The following DLGAP2 variants were observed in gnomAD, a reference collection of about 807,000 sequenced individuals.
DLGAP2 encodes the protein DLG associated protein 2, also known as disks large-associated protein 2.
Under a neutral mutation model 100.3 loss-of-function variants are expected in DLGAP2, and 26 were observed. The ratio of observed to expected loss-of-function variants is 0.26; its 90% CI spans 0.19 to 0.36. The LOEUF (loss-of-function observed/expected upper bound fraction) is 0.36, where lower values mean the gene tolerates loss of function less well. Ranked by LOEUF, DLGAP2 falls within the 10% of genes least tolerant of loss-of-function variation. The probability of loss-of-function intolerance (pLI) is 1.00; values close to 1 mark genes in which losing one functional copy is unlikely to be tolerated. For missense variants in DLGAP2, 1,858 were observed against 1,453.2 expected (o/e 1.28, Z -4.53); for synonymous variants, 886 against 630.1 (o/e 1.41, Z -6.08).
At position 1,374,311 on chromosome 8, in the gene DLGAP2, C is replaced by T. The variant is rs537623264; in HGVS notation, c.106+115428C>T. Among the ~76,000 whole-genome samples, 132 of 151,794 alleles carry T rather than the reference C, an allele frequency of 8.7e-4. 1 individual carries two copies. Among genetic ancestry groups the T allele is most frequent in the African/African-American group, 2.6e-3 (108 of 41,230 alleles). The stretch of plus-strand genomic sequence containing the variant: ...GGTGGAGGTGGGGCCTTCTCCCTGC[C>T]CCACGGTGGTCCCATGCAGCCCGCA... On this transcript the variant is annotated intron_variant, in intron 3 of 14. Coordinates refer to ENST00000637795, the MANE Select transcript of DLGAP2 (RefSeq NM_001346810.2).
intron 2 of DLGAP2, among the ~76,000 whole-genome samples, chr8:1,066,762 C>T (rs114873183): frequency 4.2e-4 from 64 of 152,370 alleles, no homozygotes; most frequent in African/African-American, 1.4e-3. Flanking sequence ...CACGCGGCAC[C>T]TCCGTCCCTG....
chr8:1,151,822 C>T (rs1796703382), intron 2 of DLGAP2, among the ~76,000 whole-genome samples: 1 of 152,192 alleles, frequency 6.6e-6, no homozygotes, highest in African/African-American at 2.4e-5. Flanking sequence ...CTTATTTTTA[C>T]ACAAATCTTT....
intron 3 of DLGAP2, among the ~76,000 whole-genome samples, chr8:1,282,976 G>A (rs573860686): frequency 8.2e-4 from 106 of 128,576 alleles, no homozygotes; most frequent in African/African-American, 3.1e-3. Flanking sequence ...TGGACGTGGT[G>A]TGACCTGAAT....
At chr8:1,525,060 G>A (rs1800746674) in intron 4 of DLGAP2, among the ~76,000 whole-genome samples, 1 of 152,000 alleles carries the variant, frequency 6.6e-6, no homozygotes, top group Non-Finnish European at 1.5e-5. Flanking sequence ...TTTTCTTTCT[G>A]TTCAGAAGTG....
At chr8:936,933 G>A (rs1799086045) in intron 2 of DLGAP2, among the ~76,000 whole-genome samples, 2 of 152,170 alleles carry the variant, frequency 1.3e-5, no homozygotes. Flanking sequence ...ACTGCGTGAC[G>A]TCAATGGGTA....
chr8:1,628,899 G>C (rs1422122933), intron 7 of DLGAP2, among the ~76,000 whole-genome samples: 1 of 152,258 alleles, frequency 6.6e-6, no homozygotes, highest in African/African-American at 2.4e-5. Flanking sequence ...CCATTATGCA[G>C]TTATCGGCGT....
At chr8:1,425,639 C>T (rs1480104932) in intron 3 of DLGAP2, among the ~76,000 whole-genome samples, 1 of 152,182 alleles carries the variant, frequency 6.6e-6, no homozygotes, top group Non-Finnish European at 1.5e-5. Flanking sequence ...TTCCACAAGC[C>T]TAGAGCTGTC....
intron 1 of DLGAP2, among the ~76,000 whole-genome samples, chr8:841,739 C>T (rs1407350592): frequency 1.3e-5 from 2 of 152,172 alleles, no homozygotes; most frequent in Non-Finnish European, 2.9e-5. Flanking sequence ...GCCCCCCACA[C>T]CCGGCAGCAG....
chr8:1,276,207 C>T (rs1034530463), intron 3 of DLGAP2, among the ~76,000 whole-genome samples: 3 of 150,396 alleles, frequency 2.0e-5, no homozygotes, highest in Non-Finnish European at 4.4e-5. Flanking sequence ...CTCCAATCAA[C>T]ACTCCCCCCC....
intron 6 of DLGAP2, among the ~76,000 whole-genome samples, chr8:1,593,169 A>C (rs1257992805): frequency 6.6e-6 from 1 of 152,132 alleles, no homozygotes; most frequent in Admixed American, 6.6e-5. Context: ...AAATTTAGAC[A>C]CTAGGCCTGG....
At chr8:1,614,831 C>G (rs530213166) in intron 6 of DLGAP2, among the ~76,000 whole-genome samples, 1 of 142,488 alleles carries the variant, frequency 7.0e-6, no homozygotes, top group Non-Finnish European at 1.5e-5. Context: ...CCCACACACA[C>G]ATGCATTGCA....
intron 2 of DLGAP2, among the ~76,000 whole-genome samples, chr8:1,160,767 C>T (rs1465433920): frequency 6.6e-6 from 1 of 152,236 alleles, no homozygotes; most frequent in African/African-American, 2.4e-5. Flanking sequence ...CCATGCAAAG[C>T]CTGGCGAGGA....
intron 3 of DLGAP2, among the ~76,000 whole-genome samples, chr8:1,351,655 C>T (rs1316504504): frequency 3.0e-5 from 2 of 65,630 alleles, no homozygotes; most frequent in Non-Finnish European, 3.0e-5. Flanking sequence ...AAAGGCCGTG[C>T]GGGTCCTGAC....
At chr8:1,369,001 A>C (rs1425622732) in intron 3 of DLGAP2, 3 of 152,178 alleles carry the variant, frequency 2.0e-5, no homozygotes, top group Non-Finnish European at 2.9e-5. Flanking sequence ...TGTGCACGTG[A>C]CGCCCGGTGC....
At chr8:859,087 G>A (rs1797339979) in intron 1 of DLGAP2, among the ~76,000 whole-genome samples, 1 of 150,606 alleles carries the variant, frequency 6.6e-6, no homozygotes, top group Non-Finnish European at 1.5e-5. Flanking sequence ...AAAAACCTGA[G>A]ACATAGACCA....
At chr8:1,442,866 GTCCTGTAAACCACAGGA>G (rs1263488878) in intron 3 of DLGAP2, among the ~76,000 whole-genome samples, 1 of 152,262 alleles carries the variant, frequency 6.6e-6, no homozygotes, top group African/African-American at 2.4e-5. Context: ...CACTGGGATT[GTCCTGTAAACCACAGGA>G]TCCTGAGTCT....
chr8:1,203,735 C>T (rs185226904), intron 2 of DLGAP2, among the ~76,000 whole-genome samples: 59 of 152,300 alleles, frequency 3.9e-4, no homozygotes, highest in Middle Eastern at 3.4e-3. Flanking sequence ...ATGATTTCTC[C>T]ACTCTCACTT....
chr8:1,040,937 T>A (rs1345917080), intron 2 of DLGAP2, among the ~76,000 whole-genome samples: 1 of 152,134 alleles, frequency 6.6e-6, no homozygotes, highest in African/African-American at 2.4e-5. Flanking sequence ...CCAGGATTGG[T>A]GACTTACTTT....
chr8:928,357 T>A (rs1047050440), intron 2 of DLGAP2, among the ~76,000 whole-genome samples: 3 of 152,096 alleles, frequency 2.0e-5, no homozygotes, highest in Admixed American at 2.0e-4. Flanking sequence ...CTAGGTGTCC[T>A]GGTCGGGGAT....
Sources: gnomAD v4.1 joint callset for allele counts (sites outside exome capture counted in the v4.1 genomes callset) on GRCh38, gnomAD v4.1.1 for gene constraint, MANE v1.5 for transcripts, NCBI Gene and HGNC (gene_info 2026-07-23, HGNC 2026-07-21) for gene names.